The following TMEM135 variants were observed in gnomAD, a reference collection of about 807,000 sequenced individuals.
TMEM135 encodes peroxisomal membrane protein 52.
TMEM135 carries 30 observed loss-of-function variants against 60.3 expected under a neutral mutation model. The observed-to-expected ratio is 0.50, with a 90% CI of 0.37 to 0.68. TMEM135 has a LOEUF of 0.68. Ranked by LOEUF, TMEM135 falls within the 30% of genes least tolerant of loss-of-function variation. The probability of loss-of-function intolerance (pLI) is 0.00; values close to 1 mark genes in which losing one functional copy is unlikely to be tolerated. For synonymous variants in TMEM135, 190 were observed against 186.7 expected (o/e 1.02, Z -0.14); for missense variants, 468 against 548.8 (o/e 0.85, Z 1.47).
chr11:87,062,748 C>A (rs1175499586), intron 1 of TMEM135, among the ~76,000 whole-genome samples: 1 of 152,010 alleles, frequency 6.6e-6, no homozygotes, highest in Non-Finnish European at 1.5e-5. Context: ...AAGCGTGAGC[C>A]ACTGCACTCG....
At chr11:87,252,533 G>T (rs565769503) in intron 6 of TMEM135, among the ~76,000 whole-genome samples, 2 of 152,238 alleles carry the variant, frequency 1.3e-5, no homozygotes, top group Admixed American at 1.3e-4. Flanking sequence ...AGCACTTTGG[G>T]AGGCTGAGGC....
chr11:87,168,729 C>T (rs970243358), intron 5 of TMEM135, among the ~76,000 whole-genome samples: 5 of 151,946 alleles, frequency 3.3e-5, no homozygotes, highest in Non-Finnish European at 7.4e-5. Flanking sequence ...TTCTAATTAT[C>T]TGGTCAATTT....
chr11:87,182,262 C>T (rs1329595333), intron 5 of TMEM135, among the ~76,000 whole-genome samples: 1 of 151,978 alleles, frequency 6.6e-6, no homozygotes, highest in African/African-American at 2.4e-5. Context: ...AGATTCTGCA[C>T]TCAAATTAAG....
intron 5 of TMEM135, among the ~76,000 whole-genome samples, chr11:87,162,242 T>A (rs982032065): frequency 6.6e-6 from 1 of 152,120 alleles, no homozygotes; most frequent in Non-Finnish European, 1.5e-5. Context: ...TTTATTATAC[T>A]TTAAGTTCTG....
At chr11:87,044,693 C>CA (rs1166014869) in intron 1 of TMEM135, among the ~76,000 whole-genome samples, 2 of 152,110 alleles carry the variant, frequency 1.3e-5, no homozygotes, top group African/African-American at 4.8e-5. Context: ...CTCTGTCGCC[C>CA]AGGCTGGAGT....
chr11:87,289,286 T>C (rs1408207229), intron 6 of TMEM135, among the ~76,000 whole-genome samples: 2 of 152,142 alleles, frequency 1.3e-5, no homozygotes, highest in African/African-American at 2.4e-5. Context: ...TTATCACGTC[T>C]TTGTATTGGG....
At chr11:87,259,183 A>C (rs1941592625) in intron 6 of TMEM135, 2 of 553,536 alleles carry the variant, frequency 3.6e-6, no homozygotes, top group East Asian at 3.5e-5. Flanking sequence ...TCCTCCTCCA[A>C]CTCCTCCTTA....
intron 7 of TMEM135, among the ~76,000 whole-genome samples, chr11:87,296,038 C>G (rs1942342226): frequency 6.6e-6 from 1 of 152,060 alleles, no homozygotes; most frequent in African/African-American, 2.4e-5. Flanking sequence ...TCTTTTGGAC[C>G]TGTTGTGTGC....
At chr11:87,088,178 C>G (rs772367654) in intron 3 of TMEM135, among the ~76,000 whole-genome samples, 2 of 152,132 alleles carry the variant, frequency 1.3e-5, no homozygotes, top group Non-Finnish European at 2.9e-5. Flanking sequence ...TCTTTACTCA[C>G]CACAAGTTAG....
At chr11:87,079,732 T>A (rs1380291286) in intron 3 of TMEM135, among the ~76,000 whole-genome samples, 2 of 152,014 alleles carry the variant, frequency 1.3e-5, no homozygotes, top group African/African-American at 2.4e-5. Context: ...TTACATTCAT[T>A]TCTAGTTTGC....
intron 3 of TMEM135, among the ~76,000 whole-genome samples, chr11:87,074,773 A>G (rs1856837214): frequency 6.6e-6 from 1 of 152,098 alleles, no homozygotes; most frequent in Non-Finnish European, 1.5e-5. Flanking sequence ...AAATAAGGAT[A>G]TTTTTCTACA....
At chr11:87,106,773 A>G (rs1376638914) in intron 4 of TMEM135, among the ~76,000 whole-genome samples, 2 of 152,320 alleles carry the variant, frequency 1.3e-5, no homozygotes, top group African/African-American at 2.4e-5. Context: ...ATAAAGAGAT[A>G]TCAGTATCAG....
At position 87,285,530 on chromosome 11, in the gene TMEM135, C is replaced by T. The variant is rs929673623; in HGVS notation, c.510-10252C>T. On this transcript the variant is annotated intron_variant, in intron 6 of 14. Coordinates refer to ENST00000305494, the MANE Select transcript of TMEM135 (RefSeq NM_022918.4). ...AAGTGTTACAGCTCTTAAGGTGGCACGTCTGGAGTTGTTCGTTCCTCCCAC... is the reference window on the plus strand; with the variant it reads ...AAGTGTTACAGCTCTTAAGGTGGCATGTCTGGAGTTGTTCGTTCCTCCCAC... Among the ~76,000 whole-genome samples the T allele has an allele frequency of 3.9e-5, 6 of 151,920 alleles. 1 individual carries two copies. Among genetic ancestry groups the T allele is most frequent in the Admixed American group, 3.9e-4 (6 of 15,248 alleles).
chr11:87,246,805 C>T (rs1441050741), intron 6 of TMEM135, among the ~76,000 whole-genome samples: 4 of 119,252 alleles, frequency 3.4e-5, no homozygotes, highest in African/African-American at 6.4e-5. Flanking sequence ...GAATTTCCTC[C>T]TGTAGCTCAG....
intron 3 of TMEM135, 44 bp downstream of exon 3, chr11:87,071,659 C>T (rs1366667576): frequency 6.9e-7 from 1 of 1,448,740 alleles, no homozygotes; most frequent in East Asian, 2.3e-5. Context: ...TTACCTGTCC[C>T]CTACCCCAAC....
rs148798187 is a variant in TMEM135 at position 87,184,554 on chromosome 11, A to T, written c.462+27148A>T. Among the ~76,000 whole-genome samples the T allele has an allele frequency of 2.8e-3, 424 of 152,312 alleles. 3 individuals are homozygous for T. The highest frequency in any genetic ancestry group is 9.8e-3 in the African/African-American group (406 of 41,578). On this transcript the variant is annotated intron_variant, in intron 5 of 14. Transcript: ENST00000305494. ...AGTAAATGAAGGAGTTTCTAGTGGC[A>T]AATATGTTTGAGAAACTATAGATAT...
intron 5 of TMEM135, among the ~76,000 whole-genome samples, chr11:87,194,198 A>G (rs1166497847): frequency 6.6e-6 from 1 of 152,224 alleles, no homozygotes; most frequent in East Asian, 1.9e-4. Context: ...AGTTAAAAAA[A>G]AATTGGTAAA....
chr11:87,199,794 G>A (rs1940052041), intron 5 of TMEM135, among the ~76,000 whole-genome samples: 1 of 152,260 alleles, frequency 6.6e-6, no homozygotes, highest in African/African-American at 2.4e-5. Flanking sequence ...GCCAGGCGTG[G>A]TGGCACGCGC....
chr11:87,057,222 T>C (rs1949902223), intron 1 of TMEM135, among the ~76,000 whole-genome samples: 1 of 152,214 alleles, frequency 6.6e-6, no homozygotes, highest in African/African-American at 2.4e-5. Context: ...TCAACTTTTA[T>C]ATAAAAATTT....
Sources: gnomAD v4.1 joint callset for allele counts (sites outside exome capture counted in the v4.1 genomes callset) on GRCh38, gnomAD v4.1.1 for gene constraint, MANE v1.5 for transcripts, NCBI Gene and HGNC (gene_info 2026-07-23, HGNC 2026-07-21) for gene names.